Variants in KCNQ1OT1 observed in about 807,000 individuals in gnomAD.
KCNQ1OT1 encodes KCNQ1 antisense RNA 2 (non-protein coding).
exon 1 of KCNQ1OT1, chr11:2,693,635 A>G (rs1239138330): frequency 2.0e-5 from 8 of 398,540 alleles, no homozygotes; most frequent in African/African-American, 4.1e-5. Context: ...GCCGTAGGAA[A>G]GGCTCTGGGA....
Position 2,670,857 on chromosome 11 carries a change from C to A in KCNQ1OT1, n.29138G>T, listed in dbSNP as rs528893323. On this transcript the variant is annotated non_coding_transcript_exon_variant, in exon 1 of 1. Transcript: ENST00000597346. The surrounding 1 kb of genome is among the most constrained non-coding windows in gnomAD (Gnocchi z 4.9). ...CAGCCAAGGAGGTCAAAGGTCCTCA[C>A]TGGCCAGTGGGCCACTGGGAAGCCT... The A allele has an allele frequency of 7.5e-5, 30 of 398,664 alleles. No homozygotes were observed. The highest frequency in any genetic ancestry group is 1.3e-3 in the Middle Eastern group (2 of 1,588). 24.7% of individuals were successfully genotyped at this position (398,664 alleles called of 1,614,324 possible). A position where few individuals can be genotyped will look rare whatever the true frequency, so the allele number is the denominator to read the frequency against.
At chr11:2,655,135 A>C in exon 1 of KCNQ1OT1, 1 of 398,644 alleles carries the variant, frequency 2.5e-6, no homozygotes, top group East Asian at 3.6e-5. Context: ...CACTGACTAG[A>C]AAGGAGGATG....
exon 1 of KCNQ1OT1, chr11:2,667,117 G>A (rs1052953939): frequency 2.3e-5 from 9 of 398,550 alleles, no homozygotes; most frequent in Admixed American, 1.8e-4. Flanking sequence ...AGGCGTAATG[G>A]CTCAGTGGGA....
chr11:2,613,963 GA>G lies in KCNQ1OT1; in HGVS notation n.86031del. 1 of 398,532 alleles carries G rather than the reference GA, an allele frequency of 2.5e-6. No homozygotes were observed. The highest frequency in any genetic ancestry group is 4.4e-6 in the Non-Finnish European group (1 of 226,048). 24.7% of individuals were successfully genotyped at this position (398,532 alleles called of 1,614,324 possible). ...TTTTCTCACCTAACAACATCTCCTA[GA>G]AATCACTCAACATCCATTCACAGAG... On this transcript the variant is annotated non_coding_transcript_exon_variant, in exon 1 of 1. Coordinates refer to ENST00000597346, the Ensembl canonical transcript of KCNQ1OT1. The surrounding 1 kb of genome is among the most constrained non-coding windows in gnomAD (Gnocchi z 4.8).
rs763044938 is a variant in KCNQ1OT1, at chr11:2,676,059, C to T, written n.23936G>A. ...CACTTTCCTATTGCATCTTTCCAGA[C>T]GTATTTTATATAAACAAATATACGT... On this transcript the variant is annotated non_coding_transcript_exon_variant, in exon 1 of 1. Transcript: ENST00000597346. This position sits in a 1 kb window ranked among gnomAD's most constrained non-coding sequence, Gnocchi z 4.2. 85 of 398,504 alleles carry T rather than the reference C, an allele frequency of 2.1e-4. No individual in the cohort carries two copies. The highest frequency in any genetic ancestry group is 3.2e-4 in the Non-Finnish European group (73 of 226,056). 24.7% of individuals were successfully genotyped at this position (398,504 alleles called of 1,614,324 possible). A position where few individuals can be genotyped will look rare whatever the true frequency, so the allele number is the denominator to read the frequency against.
chr11:2,697,565 C>T (rs1010961908), exon 1 of KCNQ1OT1: 9 of 398,502 alleles, frequency 2.3e-5, no homozygotes, highest in Non-Finnish European at 8.8e-6. Context: ...TACTCCACTA[C>T]CCCAAAATCA....
chr11:2,679,259 G>A lies in KCNQ1OT1; in HGVS notation n.20736C>T. ...ACAGCTGCCTGTCCCACCCTTGGCT[G>A]TGCTCTCCTTTACTAATCCATAGCC... On this transcript the variant is annotated non_coding_transcript_exon_variant, in exon 1 of 1. Transcript: ENST00000597346. This position sits in a 1 kb window ranked among gnomAD's most constrained non-coding sequence, Gnocchi z 4.8. The A allele has an allele frequency of 1.3e-5, 5 of 398,654 alleles. No homozygotes were observed. Among genetic ancestry groups the A allele is most frequent in the Admixed American group, 4.4e-5 (1 of 22,738 alleles). 24.7% of individuals were successfully genotyped at this position (398,654 alleles called of 1,614,324 possible). A position where few individuals can be genotyped will look rare whatever the true frequency, so the allele number is the denominator to read the frequency against.
At position 2,682,169 on chromosome 11, in the gene KCNQ1OT1, T is replaced by G. The variant is rs1850409364; in HGVS notation, n.17826A>C. The G allele has an allele frequency of 2.5e-6, 1 of 398,412 alleles. No homozygotes were observed. The highest frequency in any genetic ancestry group is 2.1e-5 in the African/African-American group (1 of 48,586). 24.7% of individuals were successfully genotyped at this position (398,412 alleles called of 1,614,324 possible). On this transcript the variant is annotated non_coding_transcript_exon_variant, in exon 1 of 1. Coordinates refer to ENST00000597346, the Ensembl canonical transcript of KCNQ1OT1. The surrounding 1 kb of genome is among the most constrained non-coding windows in gnomAD (Gnocchi z 5.8). ...TCTTTCAGTATTAAACATATCAAGC[T>G]CTCTCCTGACCTTCTCTCCCCTTCC... is the stretch of plus-strand genomic sequence containing the variant.
At position 2,661,655 on chromosome 11, in the gene KCNQ1OT1, G is replaced by C; in HGVS notation, n.38340C>G. ...GACCCAAGTGTCAGTTGTGAACATG[G>C]GAAGAGGCCCAGAACCTGAGGTGGG... On this transcript the variant is annotated non_coding_transcript_exon_variant, in exon 1 of 1. Coordinates refer to ENST00000597346, the Ensembl canonical transcript of KCNQ1OT1. The surrounding 1 kb of genome is among the most constrained non-coding windows in gnomAD (Gnocchi z 5.9). The C allele has an allele frequency of 1.7e-6, 1 of 594,680 alleles. No homozygotes were observed. Among genetic ancestry groups the C allele is most frequent in the Non-Finnish European group, 3.0e-6 (1 of 333,566 alleles). The allele number at this position is 594,680 out of a possible 1,614,324, so 36.8% of individuals were successfully genotyped here.
chr11:2,667,707 T>A lies in KCNQ1OT1; in HGVS notation n.32288A>T, dbSNP rs570042364. ...GCACGGAGGTGACCTAGTCAGGAAG[T>A]CTGGAAGCCGTGTCCCCTTAAGTGA... On this transcript the variant is annotated non_coding_transcript_exon_variant, in exon 1 of 1. Coordinates refer to ENST00000597346, the Ensembl canonical transcript of KCNQ1OT1. 6 of 398,694 alleles carry A rather than the reference T, an allele frequency of 1.5e-5. No individual in the cohort carries two copies. In the South Asian group the frequency reaches 7.7e-4, roughly 51 times the overall value. 24.7% of individuals were successfully genotyped at this position (398,694 alleles called of 1,614,324 possible).
exon 1 of KCNQ1OT1, chr11:2,629,589 T>G (rs1459509861): frequency 2.5e-6 from 1 of 398,526 alleles, no homozygotes; most frequent in South Asian, 1.3e-4. Flanking sequence ...GAAAAGAGAA[T>G]CCATTTGCCA....
chr11:2,665,990 T>C (rs1850059944), exon 1 of KCNQ1OT1: 2 of 398,664 alleles, frequency 5.0e-6, no homozygotes, highest in Non-Finnish European at 8.8e-6. Flanking sequence ...CAGCCAGGAC[T>C]GGCCTGGAAT....
In KCNQ1OT1 at chr11:2,668,995, T is replaced by C. The variant is rs533721893; in HGVS notation, n.31000A>G. 1 of 398,552 alleles carries C rather than the reference T, an allele frequency of 2.5e-6. No homozygotes were observed. The allele number at this position is 398,552 out of a possible 1,614,324, so 24.7% of individuals were successfully genotyped here. Reference sequence around the variant, plus strand: ...GTCCAATGTGAGGCCGAGGTCAAGGTCCACTCTTCCCCTACTTGGATATCC... The same window carrying C: ...GTCCAATGTGAGGCCGAGGTCAAGGCCCACTCTTCCCCTACTTGGATATCC... On this transcript the variant is annotated non_coding_transcript_exon_variant, in exon 1 of 1. Coordinates refer to ENST00000597346, the Ensembl canonical transcript of KCNQ1OT1. This position sits in a 1 kb window ranked among gnomAD's most constrained non-coding sequence, Gnocchi z 4.3.
chr11:2,682,924 C>G lies in KCNQ1OT1; in HGVS notation n.17071G>C, dbSNP rs899071634. 3 of 398,472 alleles carry G rather than the reference C, an allele frequency of 7.5e-6. No individual in the cohort carries two copies. The highest frequency in any genetic ancestry group is 1.3e-5 in the Non-Finnish European group (3 of 226,084). The allele number at this position is 398,472 out of a possible 1,614,324, so 24.7% of individuals were successfully genotyped here. On this transcript the variant is annotated non_coding_transcript_exon_variant, in exon 1 of 1. Coordinates refer to ENST00000597346, the Ensembl canonical transcript of KCNQ1OT1. The surrounding 1 kb of genome is among the most constrained non-coding windows in gnomAD (Gnocchi z 5.8). Reference sequence around the variant, plus strand: ...GAAAATGGTGGCACCTGGAGAGGTGCTCAGGTCTGTGTGGAAGAAAGGACA... The same window carrying G: ...GAAAATGGTGGCACCTGGAGAGGTGGTCAGGTCTGTGTGGAAGAAAGGACA...
At chr11:2,616,973 T>C (rs1849076153) in exon 1 of KCNQ1OT1, 1 of 398,122 alleles carries the variant, frequency 2.5e-6, no homozygotes, top group South Asian at 1.3e-4. Context: ...GTTTTTTTTT[T>C]TTAATTTTAA....
In KCNQ1OT1 at chr11:2,676,587, C is replaced by T. The variant is rs1850298782; in HGVS notation, n.23408G>A. 2.5e-6 allele frequency: 1 copy of T among 398,678 alleles called. No individual in the cohort carries two copies. The highest frequency in any genetic ancestry group is 4.4e-6 in the Non-Finnish European group (1 of 226,088). The allele number at this position is 398,678 out of a possible 1,614,324, so 24.7% of individuals were successfully genotyped here. Reference sequence around the variant, plus strand: ...AAGGACCATCATACTGGGTATTCAACAGCCAGCTCTCCAAAGAGGCCTCTA... The same window carrying T: ...AAGGACCATCATACTGGGTATTCAATAGCCAGCTCTCCAAAGAGGCCTCTA... On this transcript the variant is annotated non_coding_transcript_exon_variant, in exon 1 of 1. Coordinates refer to ENST00000597346, the Ensembl canonical transcript of KCNQ1OT1. The surrounding 1 kb of genome is among the most constrained non-coding windows in gnomAD (Gnocchi z 4.2).
In KCNQ1OT1 at chr11:2,687,337, AG is replaced by A. The variant is rs1460297185; in HGVS notation, n.12657del. 5.0e-6 allele frequency: 2 copies of A among 398,536 alleles called. No individual in the cohort carries two copies. Among genetic ancestry groups the A allele is most frequent in the Non-Finnish European group, 8.8e-6 (2 of 226,102 alleles). 24.7% of individuals were successfully genotyped at this position (398,536 alleles called of 1,614,324 possible). On this transcript the variant is annotated non_coding_transcript_exon_variant, in exon 1 of 1. Transcript: ENST00000597346. The surrounding 1 kb of genome is among the most constrained non-coding windows in gnomAD (Gnocchi z 5.0). ...GCTCTGGCTGAGGGCTGTGAGCCAG[AG>A]GCTGAGGTAGCCAGGTCTGCCTTGG... is the stretch of plus-strand genomic sequence containing the variant.
chr11:2,682,695 G>A lies in KCNQ1OT1; in HGVS notation n.17300C>T. On this transcript the variant is annotated non_coding_transcript_exon_variant, in exon 1 of 1. Coordinates refer to ENST00000597346, the Ensembl canonical transcript of KCNQ1OT1. The surrounding 1 kb of genome is among the most constrained non-coding windows in gnomAD (Gnocchi z 5.8). ...TTGTCCATAGAAGCTGGGGTCCAAA[G>A]TTGACCAGAATATCTCTAGTCATAA... 7.5e-6 allele frequency: 3 copies of A among 398,610 alleles called. No individual in the cohort carries two copies. Among genetic ancestry groups the A allele is most frequent in the South Asian group, 1.3e-4 (1 of 7,852 alleles). The allele number at this position is 398,610 out of a possible 1,614,324, so 24.7% of individuals were successfully genotyped here. A position where few individuals can be genotyped will look rare whatever the true frequency, so the allele number is the denominator to read the frequency against.
chr11:2,690,613 G>A lies in KCNQ1OT1; in HGVS notation n.9382C>T. 1 of 398,676 alleles carries A rather than the reference G, an allele frequency of 2.5e-6. No homozygotes were observed. The highest frequency in any genetic ancestry group is 4.4e-6 in the Non-Finnish European group (1 of 226,082). The allele number at this position is 398,676 out of a possible 1,614,324, so 24.7% of individuals were successfully genotyped here. A position where few individuals can be genotyped will look rare whatever the true frequency, so the allele number is the denominator to read the frequency against. On this transcript the variant is annotated non_coding_transcript_exon_variant, in exon 1 of 1. Transcript: ENST00000597346. This position sits in a 1 kb window ranked among gnomAD's most constrained non-coding sequence, Gnocchi z 5.1. ...GGCAGGGAGTGGGGCACACATATGT[G>A]CATGTTCATATATGTGTCAGAATGC...
Sources: allele counts gnomAD v4.1 joint callset, GRCh38; gene constraint gnomAD v4.1.1; non-coding constraint Gnocchi (gnomAD v3.1); transcripts MANE v1.5; gene names NCBI Gene and HGNC (gene_info 2026-07-23, HGNC 2026-07-21).